Variants in CCDC6 observed in about 807,000 individuals in gnomAD.
The protein encoded by CCDC6 is coiled-coil domain-containing protein 6.
A neutral mutation model predicts 56.6 loss-of-function variants in CCDC6; 20 were observed. The observed-to-expected ratio is 0.35, with a 90% CI of 0.25 to 0.51. The LOEUF (loss-of-function observed/expected upper bound fraction) is 0.51, where lower values mean the gene tolerates loss of function less well. CCDC6 is among the 20% of genes least tolerant of loss of function. The pLI is 0.95. For synonymous variants in CCDC6, 241 were observed against 234.4 expected, an observed-to-expected ratio of 1.03 and a Z score of -0.26; for missense variants, 367 against 601.1, an observed-to-expected ratio of 0.61 and a Z score of 4.07.
At chr10:59,878,010 CG>C (rs1201398067) in intron 1 of CCDC6, among the ~76,000 whole-genome samples, 1 of 152,122 alleles carries the variant, frequency 6.6e-6, no homozygotes, top group Non-Finnish European at 1.5e-5. Context: ...CAACTAAGTT[CG>C]GGTATCTATG....
intron 7 of CCDC6, among the ~76,000 whole-genome samples, chr10:59,796,706 G>A (rs1188365710): frequency 6.6e-6 from 1 of 152,152 alleles, no homozygotes; most frequent in Non-Finnish European, 1.5e-5. Context: ...GGTGGCTCAC[G>A]CCTGTAATCC....
chr10:59,832,698 A>G, intron 2 of CCDC6, 45 bp from the exon 3 acceptor site: 2 of 1,596,488 alleles, frequency 1.3e-6, no homozygotes, highest in Non-Finnish European at 1.7e-6. Context: ...GGCAACTCAA[A>G]TGCCATGGAA....
chr10:59,857,415 C>A (rs2071088785), intron 1 of CCDC6, among the ~76,000 whole-genome samples: 1 of 152,114 alleles, frequency 6.6e-6, no homozygotes, highest in Non-Finnish European at 1.5e-5. Flanking sequence ...TGTTTCTGTT[C>A]TTTTATCAAT....
chr10:59,883,084 G>C (rs758223689), intron 1 of CCDC6, among the ~76,000 whole-genome samples: 3 of 151,998 alleles, frequency 2.0e-5, no homozygotes, highest in Admixed American at 6.5e-5. Context: ...TCGTACCCCC[G>C]AAACACAGTG....
At chr10:59,903,887 T>C (rs576443155) in intron 1 of CCDC6, among the ~76,000 whole-genome samples, 45 of 152,316 alleles carry the variant, frequency 3.0e-4, no homozygotes, top group East Asian at 1.2e-3. Flanking sequence ...CCGCATTACA[T>C]ACCTGAGAGG....
At chr10:59,810,472 C>A (rs2070663351) in intron 5 of CCDC6, among the ~76,000 whole-genome samples, 1 of 149,954 alleles carries the variant, frequency 6.7e-6, no homozygotes, top group Non-Finnish European at 1.5e-5. Flanking sequence ...GCTAGGGGCA[C>A]GATGGAGCAG....
chr10:59,832,018 C>A (rs192613636), intron 3 of CCDC6, among the ~76,000 whole-genome samples: 1 of 152,346 alleles, frequency 6.6e-6, no homozygotes. Flanking sequence ...TACAATCAGT[C>A]AGTGGTTGAC....
At position 59,852,375 on chromosome 10, in the gene CCDC6, G is replaced by GA. The variant is rs369218912; in HGVS notation, c.453+177dup. ...TTACCTAACATATGCAGATAAGCTA[G>GA]AAAACCACAGTCTTGACTATTACAC... On this transcript the variant is annotated intron_variant, in intron 2 of 8. Coordinates refer to ENST00000263102, the MANE Select transcript of CCDC6 (RefSeq NM_005436.5). Among the ~76,000 whole-genome samples, 20 of 152,256 alleles carry GA rather than the reference G, an allele frequency of 1.3e-4. No individual in the cohort carries two copies. The East Asian group carries it at 3.9e-3, about 29-fold the overall frequency.
intron 4 of CCDC6, 53 bp downstream of exon 4, chr10:59,814,598 CA>C (rs1554882959): frequency 2.1e-6 from 2 of 930,776 alleles, no homozygotes; most frequent in Non-Finnish European, 1.7e-6. Flanking sequence ...CCCAGAGCAG[CA>C]ACACACACAC....
At chr10:59,851,131 G>GAAAAAAAAAAAAA (rs372606692) in intron 2 of CCDC6, among the ~76,000 whole-genome samples, 1 of 46,724 alleles carries the variant, frequency 2.1e-5, no homozygotes, top group Non-Finnish European at 3.9e-5. Flanking sequence ...CATGTAAATT[G>GAAAAAAAAAAAAA]AAAAAAAAAA....
chr10:59,810,958 A>G (rs2070667326), intron 5 of CCDC6, among the ~76,000 whole-genome samples: 1 of 152,164 alleles, frequency 6.6e-6, no homozygotes, highest in African/African-American at 2.4e-5. Context: ...AAGAAGATGT[A>G]ACAACAGAGG....
intron 7 of CCDC6, among the ~76,000 whole-genome samples, chr10:59,795,466 T>A (rs1157879475): frequency 7.5e-6 from 1 of 133,752 alleles, no homozygotes; most frequent in East Asian, 2.1e-4. Flanking sequence ...TTTTTCTTAT[T>A]CATTTTTATT....
At chr10:59,811,551 A>G (rs2070672002) in intron 5 of CCDC6, among the ~76,000 whole-genome samples, 2 of 152,212 alleles carry the variant, frequency 1.3e-5, no homozygotes, top group Non-Finnish European at 2.9e-5. Flanking sequence ...CTTTGTATGT[A>G]TCAGCAGGGG....
chr10:59,813,813 T>C (rs1294807336), intron 4 of CCDC6, among the ~76,000 whole-genome samples: 1 of 152,218 alleles, frequency 6.6e-6, no homozygotes, highest in Non-Finnish European at 1.5e-5. Flanking sequence ...ATAGCTCTAA[T>C]TTTCACTTTT....
chr10:59,839,692 A>G (rs2070919295), intron 2 of CCDC6, among the ~76,000 whole-genome samples: 1 of 152,148 alleles, frequency 6.6e-6, no homozygotes, highest in Non-Finnish European at 1.5e-5. Context: ...TAGGTTTTGC[A>G]TTCTTTCATA....
intron 2 of CCDC6, among the ~76,000 whole-genome samples, chr10:59,834,582 GA>G (rs947764247): frequency 2.7e-5 from 4 of 147,118 alleles, no homozygotes; most frequent in South Asian, 2.2e-4. Flanking sequence ...AAAAAAAAAA[GA>G]AAAAAAAATT....
chr10:59,793,082 A>G lies in CCDC6; in HGVS notation c.1260T>C (p.Pro420=). ...TRPSPRRSNS[P]DKFKRPTPPP... Reference sequence around the variant, plus strand: ...GCGGCGTGGGCCGTTTGAATTTGTCAGGACTGTTGCTTCTCCGTGGTGAAG... The same window carrying G: ...GCGGCGTGGGCCGTTTGAATTTGTCGGGACTGTTGCTTCTCCGTGGTGAAG... Residue 420 remains proline, a synonymous_variant, in exon 9 of 9, where the codon CCT becomes CCC. Coordinates refer to ENST00000263102, the MANE Select transcript of CCDC6 (RefSeq NM_005436.5). 1 of 1,614,152 alleles carries G rather than the reference A, an allele frequency of 6.2e-7. No individual in the cohort carries two copies. The highest frequency in any genetic ancestry group is 8.5e-7 in the Non-Finnish European group (1 of 1,180,020).
At chr10:59,798,961 T>C (rs1589033341) in intron 7 of CCDC6, among the ~76,000 whole-genome samples, 1 of 123,410 alleles carries the variant, frequency 8.1e-6, no homozygotes, top group South Asian at 2.6e-4. Flanking sequence ...GCCACTGCAC[T>C]CCAGCCTGCG....
rs2070683302 is a variant in CCDC6, at chr10:59,812,774, G to T, written c.708C>A (p.Asp236Glu). Residue 236 changes from aspartate (D) to glutamate (E), a missense_variant, in exon 5 of 9, where the codon GAC becomes GAA. Asp to Glu is a conservative substitution (Grantham distance 45). Around this residue, in one of 7 missense-constraint regions of CCDC6, gnomAD observed 31 missense variants for 124.2 expected, o/e 0.25. Coordinates refer to ENST00000263102, the MANE Select transcript of CCDC6 (RefSeq NM_005436.5). ...AEKRILQEKL[D>E]QPVSAPPSPR... ...GCGATGGTGGAGCAGAGACGGGCTG[G>T]TCTAATTTTTCCTGCAGGATTCTTC... The T allele has an allele frequency of 6.2e-7, 1 of 1,605,772 alleles. No individual in the cohort carries two copies. The highest frequency in any genetic ancestry group is 1.1e-5 in the South Asian group (1 of 89,098).
Sources: allele counts gnomAD v4.1 joint callset (sites outside exome capture counted in the v4.1 genomes callset), GRCh38; gene constraint gnomAD v4.1.1; regional missense constraint gnomAD v4.1.1; transcripts MANE v1.5; gene names NCBI Gene and HGNC (gene_info 2026-07-23, HGNC 2026-07-21).